DSCAM: variants seen among roughly 807,000 people sequenced by gnomAD.
DSCAM encodes the protein DS cell adhesion molecule.
DSCAM carries 47 observed loss-of-function variants against 217.7 expected under a neutral mutation model. The observed-to-expected ratio is 0.22, with a 90% confidence interval of 0.17 to 0.28. The LOEUF (loss-of-function observed/expected upper bound fraction) is 0.28. Among genes scored for constraint, DSCAM ranks in the 10% least tolerant of loss-of-function variants. The pLI, the probability that DSCAM is intolerant of heterozygous loss-of-function variation, is 1.00. For missense variants in DSCAM, 2,080 were observed against 2,618.3 expected, an observed-to-expected ratio of 0.79 and a Z score of 4.49; for synonymous variants, 1,056 against 1,015.3, an observed-to-expected ratio of 1.04 and a Z score of -0.76.
At chr21:40,360,121 G>GT (rs764160478) in intron 4 of DSCAM, among the ~76,000 whole-genome samples, 6,139 of 82,602 alleles carry the variant, frequency 0.074, 1,851 homozygotes, top group African/African-American at 0.19. Context: ...TTCATAGGTA[G>GT]TCTTTTTTTT....
intron 3 of DSCAM, among the ~76,000 whole-genome samples, chr21:40,485,825 TATACATACAC>T (rs1219468464): frequency 6.6e-6 from 1 of 152,158 alleles, no homozygotes; most frequent in Non-Finnish European, 1.5e-5. Flanking sequence ...TACACACATA[TATACATACAC>T]ATACATACAC....
At chr21:40,193,062 A>T (rs2090968978) in intron 11 of DSCAM, among the ~76,000 whole-genome samples, 3 of 152,192 alleles carry the variant, frequency 2.0e-5, no homozygotes, top group Admixed American at 2.0e-4. Context: ...GAGAGAGAAG[A>T]GGGAATAAGA....
At chr21:40,376,428 ATATC>A (rs1371273471) in intron 3 of DSCAM, among the ~76,000 whole-genome samples, 9 of 141,866 alleles carry the variant, frequency 6.3e-5, no homozygotes, top group Admixed American at 1.4e-4. Context: ...TCTTATATAG[ATATC>A]TATATATCTT....
At chr21:40,100,674 CG>C (rs1294927013) in intron 20 of DSCAM, among the ~76,000 whole-genome samples, 1 of 148,502 alleles carries the variant, frequency 6.7e-6, no homozygotes, top group Non-Finnish European at 1.5e-5. Flanking sequence ...AGCAAAGCTT[CG>C]CTATCAAGGA....
Position 40,075,066 on chromosome 21 carries a change from C to A in DSCAM, c.4859G>T (p.Arg1620Leu). 1 of 1,614,184 alleles carries A rather than the reference C, an allele frequency of 6.2e-7. No homozygotes were observed. The highest frequency in any genetic ancestry group is 8.5e-7 in the Non-Finnish European group (1 of 1,180,034). ...FVLLLVVRRR[R>L]REQRLKRLRD... ...CAGCCTCTTTAGCCTCTGCTCCCGC[C>A]GCCTCCTCCGCACAACCAGCAGGAG... Residue 1620 changes from arginine to leucine, a missense_variant, in exon 27 of 33, where the codon CGG (arginine) becomes CTG (leucine). Arg to Leu is a moderately radical substitution (Grantham distance 102). Around this residue, in one of 5 missense-constraint regions of DSCAM, gnomAD observed 1,144 missense variants for 1,421.1 expected, o/e 0.81. Coordinates refer to ENST00000400454, the MANE Select transcript of DSCAM (RefSeq NM_001389.5).
chr21:40,515,976 C>G (rs1391417194), intron 3 of DSCAM, among the ~76,000 whole-genome samples: 2 of 151,918 alleles, frequency 1.3e-5, no homozygotes, highest in Non-Finnish European at 2.9e-5. Context: ...TCACCTAACT[C>G]TTGACTAATT....
intron 1 of DSCAM, among the ~76,000 whole-genome samples, chr21:40,735,961 G>A (rs1334397008): frequency 1.3e-5 from 2 of 151,956 alleles, no homozygotes; most frequent in Non-Finnish European, 2.9e-5. Context: ...CTGATGCCAG[G>A]TGCAAGTAGC....
intron 8 of DSCAM, among the ~76,000 whole-genome samples, chr21:40,321,958 G>A (rs566172982): frequency 4.6e-5 from 7 of 152,242 alleles, no homozygotes; most frequent in South Asian, 4.1e-4. Flanking sequence ...CGTTTCAGGC[G>A]CTAGACCCTT....
rs2090904787 is a variant in DSCAM at position 40,187,257 on chromosome 21, G to A, written c.2653C>T (p.Pro885Ser). Reference protein sequence around the residue: ...RGIIQLTVQEPPDPPEIEIKD... With the variant: ...RGIIQLTVQESPDPPEIEIKD... ...ATCTCAATTTCGGGAGGGTCTGGGG[G>A]CTCTGTGCCATCAACAGAAAGACTA... is the stretch of plus-strand genomic sequence containing the variant. The change falls in exon 14 of 33, where the codon CCC becomes TCC. Residue 885 changes from proline (P) to serine (S), a missense_variant and splice_region_variant. Physicochemically the swap from Pro to Ser is moderately conservative, Grantham distance 74. Around this residue, in one of 5 missense-constraint regions of DSCAM, gnomAD observed 1,144 missense variants for 1,421.1 expected, o/e 0.81. Coordinates refer to ENST00000400454, the MANE Select transcript of DSCAM (RefSeq NM_001389.5). 6.2e-7 allele frequency: 1 copy of A among 1,613,722 alleles called. No homozygotes were observed. The highest frequency in any genetic ancestry group is 1.3e-5 in the African/African-American group (1 of 74,914).
chr21:40,086,565 T>C (rs1411444120), intron 22 of DSCAM, among the ~76,000 whole-genome samples: 2 of 152,332 alleles, frequency 1.3e-5, no homozygotes, highest in East Asian at 3.9e-4. Context: ...AAATGAATTT[T>C]CGACCCTTAA....
intron 3 of DSCAM, among the ~76,000 whole-genome samples, chr21:40,499,710 C>G (rs868799817): frequency 1.3e-5 from 2 of 152,164 alleles, no homozygotes; most frequent in Admixed American, 6.6e-5. Flanking sequence ...TTGAAAACTT[C>G]TCAGATGCAT....
intron 3 of DSCAM, among the ~76,000 whole-genome samples, chr21:40,572,408 T>C (rs747086714): frequency 6.6e-6 from 1 of 152,082 alleles, no homozygotes; most frequent in Non-Finnish European, 1.5e-5. Context: ...CAAATACTGG[T>C]AAAATACTTA....
chr21:40,521,648 A>C (rs1601712825), intron 3 of DSCAM, among the ~76,000 whole-genome samples: 1 of 151,568 alleles, frequency 6.6e-6, no homozygotes, highest in Non-Finnish European at 1.5e-5. Context: ...CCACGTTTTC[A>C]CTCATATGTG....
At chr21:40,704,806 T>C (rs1374932623) in intron 2 of DSCAM, among the ~76,000 whole-genome samples, 1 of 152,212 alleles carries the variant, frequency 6.6e-6, no homozygotes. Context: ...TCATCTATGA[T>C]GACTGCAACA....
intron 3 of DSCAM, among the ~76,000 whole-genome samples, chr21:40,498,354 G>C (rs1031338917): frequency 5.3e-5 from 8 of 151,878 alleles, no homozygotes; most frequent in African/African-American, 1.9e-4. Context: ...CTGCAAGACT[G>C]CTGTGAGGAC....
intron 3 of DSCAM, among the ~76,000 whole-genome samples, chr21:40,542,952 C>T (rs1464081027): frequency 6.6e-6 from 1 of 152,056 alleles, no homozygotes; most frequent in Non-Finnish European, 1.5e-5. Flanking sequence ...GCCCCTCACC[C>T]GGGCCTCTGC....
At chr21:40,348,739 C>T (rs746455054) in intron 5 of DSCAM, among the ~76,000 whole-genome samples, 7 of 152,172 alleles carry the variant, frequency 4.6e-5, no homozygotes, top group African/African-American at 1.4e-4. Flanking sequence ...ACATCCTCTT[C>T]GCTATTTTTT....
intron 3 of DSCAM, among the ~76,000 whole-genome samples, chr21:40,648,111 A>T (rs1394658225): frequency 6.6e-6 from 1 of 152,198 alleles, no homozygotes; most frequent in Non-Finnish European, 1.5e-5. Context: ...AAAGTAAAAT[A>T]AAAGACTCAG....
intron 1 of DSCAM, among the ~76,000 whole-genome samples, chr21:40,813,893 C>T (rs1327551289): frequency 6.6e-6 from 1 of 152,120 alleles, no homozygotes; most frequent in Non-Finnish European, 1.5e-5. Flanking sequence ...GATCCACCCA[C>T]CTCGGCCTCT....
Sources: allele counts gnomAD v4.1 joint callset (sites outside exome capture counted in the v4.1 genomes callset), GRCh38; gene constraint gnomAD v4.1.1; regional missense constraint gnomAD v4.1.1; transcripts MANE v1.5; gene names NCBI Gene and HGNC (gene_info 2026-07-23, HGNC 2026-07-21).